INPP5A: variants seen among roughly 807,000 people sequenced by gnomAD.
INPP5A encodes inositol polyphosphate-5-phosphatase A.
INPP5A carries 14 observed loss-of-function variants against 65.2 expected under a neutral mutation model. The observed-to-expected ratio is 0.21, with a 90% confidence interval of 0.14 to 0.34. The LOEUF (loss-of-function observed/expected upper bound fraction) is 0.34, where lower values mean the gene tolerates loss of function less well. Ranked by LOEUF, INPP5A falls within the 10% of genes least tolerant of loss-of-function variation. The probability of loss-of-function intolerance (pLI) is 1.00; values close to 1 mark genes in which losing one functional copy is unlikely to be tolerated. For missense variants in INPP5A, 431 were observed against 545.6 expected (o/e 0.79, Z 2.09); for synonymous variants, 207 against 208.3 (o/e 0.99, Z 0.05).
chr10:132,549,307 T>C lies in INPP5A; in HGVS notation c.75+11136T>C, dbSNP rs983114602. ...GGGAGCTGCTCAATTCTTCCCATAG[T>C]TGCTGCCCCATTCGTGCCCCGTCGA... On this transcript the variant is annotated intron_variant, in intron 1 of 15. Transcript: ENST00000368594. The surrounding 1 kb of genome is among the most constrained non-coding windows in gnomAD (Gnocchi z 4.9). Among the ~76,000 whole-genome samples, 2 of 152,194 alleles carry C rather than the reference T, an allele frequency of 1.3e-5. No individual in the cohort carries two copies. Among genetic ancestry groups the C allele is most frequent in the African/African-American group, 4.8e-5 (2 of 41,458 alleles).
rs1192329101 is a variant in INPP5A, at chr10:132,719,668, A to G, written c.648-7153A>G. ...TGTGGTACCTGGGTTCTGTCTGGGC[A>G]CCTTAGACGGCTGTCTTGCAGGTTC... On this transcript the variant is annotated intron_variant, in intron 8 of 15. Coordinates refer to ENST00000368594, the MANE Select transcript of INPP5A (RefSeq NM_005539.5). Among the ~76,000 whole-genome samples, 127 of 111,570 alleles carry G rather than the reference A, an allele frequency of 1.1e-3. 1 individual carries two copies. Among genetic ancestry groups the G allele is most frequent in the African/African-American group, 3.3e-3 (90 of 27,282 alleles). The allele number at this position is 111,570 out of a possible 152,430, so 73.2% of individuals were successfully genotyped here.
chr10:132,764,924 G>T (rs1443639196), intron 11 of INPP5A, among the ~76,000 whole-genome samples: 7 of 146,848 alleles, frequency 4.8e-5, no homozygotes, highest in East Asian at 2.1e-4. Flanking sequence ...TCCTGCAGGG[G>T]TGGGAGGGTG....
chr10:132,782,212 T>G lies in INPP5A; in HGVS notation c.*183T>G. 4.1e-6 allele frequency: 3 copies of G among 730,506 alleles called. No individual in the cohort carries two copies. The highest frequency in any genetic ancestry group is 4.5e-6 in the Non-Finnish European group (2 of 446,546). The allele number at this position is 730,506 out of a possible 1,614,324, so 45.3% of individuals were successfully genotyped here. On this transcript the variant is annotated 3_prime_UTR_variant, in exon 16 of 16. Transcript: ENST00000368594. The surrounding 1 kb of genome is among the most constrained non-coding windows in gnomAD (Gnocchi z 4.4). ...TCCGGAGCAGCCTCACATACCTCAC[T>G]GTCTCGTCTGTCTATGTGACATTAA...
rs1171817087 is a variant in INPP5A at position 132,783,436 on chromosome 10, G to A, written c.*1407G>A. The A allele has an allele frequency of 6.6e-6, 1 of 152,452 alleles. No individual in the cohort carries two copies. The highest frequency in any genetic ancestry group is 1.5e-5 in the Non-Finnish European group (1 of 68,050). 9.4% of individuals were successfully genotyped at this position (152,452 alleles called of 1,614,324 possible). A position where few individuals can be genotyped will look rare whatever the true frequency, so the allele number is the denominator to read the frequency against. ...GTCGTTCTGAGGGGCCTTTGGAAGTGACCGGTCTGGTTCCTAAGCAATAAA... is the reference window on the plus strand; with the variant it reads ...GTCGTTCTGAGGGGCCTTTGGAAGTAACCGGTCTGGTTCCTAAGCAATAAA... On this transcript the variant is annotated 3_prime_UTR_variant, in exon 16 of 16. Transcript: ENST00000368594.
intron 1 of INPP5A, among the ~76,000 whole-genome samples, chr10:132,577,653 A>ACCCACCTG (rs1348389171): frequency 1.3e-5 from 2 of 152,218 alleles, no homozygotes; most frequent in Non-Finnish European, 2.9e-5. Flanking sequence ...CTTGGAGGTG[A>ACCCACCTG]CACTGAGACC....
chr10:132,600,913 C>T (rs1445422823), intron 1 of INPP5A, among the ~76,000 whole-genome samples: 3 of 152,218 alleles, frequency 2.0e-5, no homozygotes, highest in Admixed American at 2.0e-4. Flanking sequence ...CCCCCTGGGT[C>T]CCTCCCACAA....
chr10:132,582,521 G>A (rs1250258609), intron 1 of INPP5A, among the ~76,000 whole-genome samples: 6 of 150,872 alleles, frequency 4.0e-5, no homozygotes, highest in South Asian at 2.1e-4. Flanking sequence ...GGGCTCAAGC[G>A]ATCCTCCCAC....
intron 13 of INPP5A, 165 bp downstream of exon 13, chr10:132,777,947 G>C: frequency 6.9e-7 from 1 of 1,454,402 alleles, no homozygotes; most frequent in South Asian, 1.4e-5. Flanking sequence ...CCCCAGCATT[G>C]GGTCACCTCT....
intron 1 of INPP5A, among the ~76,000 whole-genome samples, chr10:132,574,749 C>G (rs747988826): frequency 2.7e-5 from 4 of 145,824 alleles, no homozygotes; most frequent in Non-Finnish European, 6.0e-5. Context: ...GGAGTGCAGT[C>G]GTGGGATCTT....
At chr10:132,758,507 C>A (rs1430420475) in intron 11 of INPP5A, among the ~76,000 whole-genome samples, 1 of 152,036 alleles carries the variant, frequency 6.6e-6, no homozygotes. Flanking sequence ...GCGTGGGTGC[C>A]CGGCCGACCC....
At chr10:132,567,959 G>A (rs1003698115) in intron 1 of INPP5A, among the ~76,000 whole-genome samples, 8 of 152,186 alleles carry the variant, frequency 5.3e-5, no homozygotes, top group African/African-American at 1.4e-4. Flanking sequence ...TTAGGAGGCC[G>A]AGGCGGGCGG....
intron 12 of INPP5A, 85 bp from the exon 13 acceptor site, chr10:132,777,586 T>C: frequency 1.7e-6 from 2 of 1,207,078 alleles, no homozygotes; most frequent in Non-Finnish European, 2.4e-6. Context: ...TAAGGTGTAT[T>C]GGGAGAGAAT....
At chr10:132,718,755 A>T (rs1396751777) in intron 8 of INPP5A, among the ~76,000 whole-genome samples, 1 of 144,712 alleles carries the variant, frequency 6.9e-6, no homozygotes, top group Non-Finnish European at 1.5e-5. Flanking sequence ...GGCACCTTAG[A>T]CGACTGTCTT....
intron 1 of INPP5A, among the ~76,000 whole-genome samples, chr10:132,589,866 A>G (rs1416744943): frequency 6.6e-6 from 1 of 152,176 alleles, no homozygotes; most frequent in Non-Finnish European, 1.5e-5. Flanking sequence ...AGGTTATCCC[A>G]TGCCAGGGAG....
chr10:132,564,373 C>T (rs770666076), intron 1 of INPP5A, among the ~76,000 whole-genome samples: 3 of 152,222 alleles, frequency 2.0e-5, no homozygotes, highest in East Asian at 1.9e-4. Context: ...GTTGTGAGCA[C>T]GTCTCTGGTG....
chr10:132,699,951 C>G (rs1845410273), intron 6 of INPP5A, among the ~76,000 whole-genome samples: 2 of 152,174 alleles, frequency 1.3e-5, no homozygotes, highest in Admixed American at 6.5e-5. Flanking sequence ...GGGTGGGTGC[C>G]CTGGCAGGGG....
chr10:132,578,911 G>A (rs1297189732), intron 1 of INPP5A, among the ~76,000 whole-genome samples: 3 of 152,188 alleles, frequency 2.0e-5, no homozygotes, highest in East Asian at 1.9e-4. Context: ...TGCTCAGTCC[G>A]CCTGCCTTCT....
chr10:132,712,657 G>T (rs544119673), intron 8 of INPP5A, among the ~76,000 whole-genome samples: 12 of 144,080 alleles, frequency 8.3e-5, no homozygotes, highest in Admixed American at 6.9e-4. Context: ...CATGTGAGTG[G>T]GTATATGCAT....
Position 132,616,660 on chromosome 10 carries a change from G to A in INPP5A, c.117+8704G>A, listed in dbSNP as rs1437372776. 1.3e-5 allele frequency among the ~76,000 whole-genome samples: 2 copies of A among 151,914 alleles called. No individual in the cohort carries two copies. Among genetic ancestry groups the A allele is most frequent in the Non-Finnish European group, 2.9e-5 (2 of 67,952 alleles). On this transcript the variant is annotated intron_variant, in intron 2 of 15. Coordinates refer to ENST00000368594, the MANE Select transcript of INPP5A (RefSeq NM_005539.5). The surrounding 1 kb of genome is among the most constrained non-coding windows in gnomAD (Gnocchi z 4.9). Reference sequence around the variant, plus strand: ...GTAGTGACATGGGACATGGTGACAGGGTAGGGTGTGGTGGTGATGGAGGTG... The same window carrying A: ...GTAGTGACATGGGACATGGTGACAGAGTAGGGTGTGGTGGTGATGGAGGTG...
Sources: gnomAD v4.1 joint callset for allele counts (sites outside exome capture counted in the v4.1 genomes callset) on GRCh38, gnomAD v4.1.1 for gene constraint, Gnocchi (gnomAD v3.1) non-coding constraint, MANE v1.5 for transcripts, NCBI Gene and HGNC (gene_info 2026-07-23, HGNC 2026-07-21) for gene names.